ZNF385B: variants seen among roughly 807,000 people sequenced by gnomAD.
ZNF385B encodes the protein zinc finger protein 533.
In ZNF385B, 23 loss-of-function variants were observed where a neutral mutation model predicts 39.2. The ratio of observed to expected loss-of-function variants is 0.59; its 90% CI spans 0.42 to 0.83. The LOEUF is 0.83. Among genes scored for constraint, ZNF385B ranks in the 40% least tolerant of loss-of-function variants. The probability of loss-of-function intolerance (pLI) is 0.00; values close to 1 mark genes in which losing one functional copy is unlikely to be tolerated. For missense variants in ZNF385B, 552 were observed against 598.9 expected, an observed-to-expected ratio of 0.92 and a Z score of 0.82; for synonymous variants, 205 against 222.6, an observed-to-expected ratio of 0.92 and a Z score of 0.70.
chr2:179,521,534 G>A (rs890100060), intron 4 of ZNF385B, among the ~76,000 whole-genome samples: 2 of 151,684 alleles, frequency 1.3e-5, no homozygotes, highest in African/African-American at 4.8e-5. Context: ...TCTCACATTT[G>A]CACCACATTG....
chr2:179,644,741 A>G (rs1303129043), intron 3 of ZNF385B, among the ~76,000 whole-genome samples: 22 of 152,194 alleles, frequency 1.4e-4, no homozygotes. Flanking sequence ...TCACCTGATC[A>G]AATAAACATG....
intron 3 of ZNF385B, among the ~76,000 whole-genome samples, chr2:179,648,636 C>CA (rs1348576916): frequency 6.6e-6 from 1 of 152,050 alleles, no homozygotes; most frequent in African/African-American, 2.4e-5. Flanking sequence ...AGGCTGACAT[C>CA]AGGGCTGGGA....
At chr2:179,579,023 A>G (rs931019501) in intron 3 of ZNF385B, among the ~76,000 whole-genome samples, 1 of 152,110 alleles carries the variant, frequency 6.6e-6, no homozygotes, top group Non-Finnish European at 1.5e-5. Flanking sequence ...TTGTTACTTT[A>G]TCCTGACATA....
At chr2:179,598,895 T>C (rs1688201645) in intron 3 of ZNF385B, among the ~76,000 whole-genome samples, 2 of 152,200 alleles carry the variant, frequency 1.3e-5, no homozygotes, top group Admixed American at 1.3e-4. Flanking sequence ...GGATTTGTTA[T>C]ATTGATTCTT....
chr2:179,626,753 A>T (rs572922577), intron 3 of ZNF385B, among the ~76,000 whole-genome samples: 1 of 152,322 alleles, frequency 6.6e-6, no homozygotes, highest in East Asian at 1.9e-4. Flanking sequence ...CAAGCAAAGC[A>T]AAAGAAAAAA....
In ZNF385B at chr2:179,443,369, G is replaced by T; in HGVS notation, c.1342C>A (p.Leu448Ile). Residue 448 changes from leucine (L) to isoleucine (I), a missense_variant, in exon 10 of 10, where the codon CTC becomes ATC. Coordinates refer to ENST00000410066, the MANE Select transcript of ZNF385B (RefSeq NM_152520.6). The part of the protein sequence containing the change: ...AAAAVSSALS[L>I]PPRPSASLFQ... ...AGCGAGGCAGAGGGCCGGGGTGGGA[G>T]TGACAGCGCTGAGGACACGGCTGCC... is the stretch of plus-strand genomic sequence containing the variant. 3 of 1,612,390 alleles carry T rather than the reference G, an allele frequency of 1.9e-6. No homozygotes were observed. The highest frequency in any genetic ancestry group is 2.5e-6 in the Non-Finnish European group (3 of 1,179,408).
chr2:179,544,554 C>T (rs530324007), intron 4 of ZNF385B, among the ~76,000 whole-genome samples: 26 of 152,074 alleles, frequency 1.7e-4, no homozygotes, highest in Admixed American at 1.6e-3. Context: ...TGTTCTAAAG[C>T]CACTGGAAAT....
intron 3 of ZNF385B, among the ~76,000 whole-genome samples, chr2:179,725,932 A>G (rs888667335): frequency 9.7e-4 from 124 of 127,784 alleles, no homozygotes; most frequent in East Asian, 2.0e-3. Flanking sequence ...ATATATATAT[A>G]TGTGTATATA....
intron 1 of ZNF385B, among the ~76,000 whole-genome samples, chr2:179,822,714 A>C (rs1378595913): frequency 6.6e-6 from 1 of 152,234 alleles, no homozygotes; most frequent in Non-Finnish European, 1.5e-5. Flanking sequence ...GTGAAAGGCC[A>C]AAGAGCCCAG....
intron 3 of ZNF385B, among the ~76,000 whole-genome samples, chr2:179,710,044 G>A: frequency 6.6e-6 from 1 of 152,190 alleles, no homozygotes; most frequent in East Asian, 1.9e-4. Context: ...ATTTCCACCT[G>A]CCACACAATC....
chr2:179,708,207 T>C (rs1476859706), intron 3 of ZNF385B, among the ~76,000 whole-genome samples: 1 of 151,862 alleles, frequency 6.6e-6, no homozygotes, highest in African/African-American at 2.4e-5. Context: ...TGGTAGGAGG[T>C]GATTGGATCA....
At chr2:179,738,139 C>T (rs1444534830) in intron 3 of ZNF385B, among the ~76,000 whole-genome samples, 1 of 152,202 alleles carries the variant, frequency 6.6e-6, no homozygotes, top group East Asian at 1.9e-4. Context: ...AAAGGAACGC[C>T]TTCATCTTCA....
intron 1 of ZNF385B, among the ~76,000 whole-genome samples, chr2:179,811,517 C>A (rs1165872371): frequency 1.3e-5 from 2 of 152,138 alleles, no homozygotes; most frequent in African/African-American, 2.4e-5. Context: ...GCCTTTTGAT[C>A]TTTGACAAAG....
intron 3 of ZNF385B, among the ~76,000 whole-genome samples, chr2:179,626,488 CTTAAG>C (rs1468481308): frequency 3.9e-5 from 6 of 152,078 alleles, no homozygotes; most frequent in Admixed American, 6.6e-5. Context: ...AAAATACATC[CTTAAG>C]TTGTATTCCC....
At chr2:179,731,543 T>C (rs1362457608) in intron 3 of ZNF385B, among the ~76,000 whole-genome samples, 1 of 152,210 alleles carries the variant, frequency 6.6e-6, no homozygotes, top group African/African-American at 2.4e-5. Context: ...AAGGTAACTT[T>C]AGAACAAACT....
chr2:179,493,710 C>CATATATGT (rs1413466813), intron 5 of ZNF385B, among the ~76,000 whole-genome samples: 1 of 51,674 alleles, frequency 1.9e-5, no homozygotes, highest in Non-Finnish European at 4.6e-5. Context: ...TATGTATACA[C>CATATATGT]ATATGCATAT....
At chr2:179,677,705 G>T (rs978463155) in intron 3 of ZNF385B, among the ~76,000 whole-genome samples, 4 of 152,136 alleles carry the variant, frequency 2.6e-5, no homozygotes, top group Admixed American at 6.5e-5. Flanking sequence ...GAAAAGATGA[G>T]GATGGTGCCT....
intron 1 of ZNF385B, among the ~76,000 whole-genome samples, chr2:179,808,268 G>A (rs1245173496): frequency 3.9e-5 from 6 of 152,166 alleles, no homozygotes; most frequent in Non-Finnish European, 8.8e-5. Context: ...TCCTGACCTT[G>A]TGATCCGCCC....
At chr2:179,503,541 AATTCT>A (rs754322100) in intron 5 of ZNF385B, among the ~76,000 whole-genome samples, 38 of 152,232 alleles carry the variant, frequency 2.5e-4, no homozygotes, top group Admixed American at 7.2e-4. Flanking sequence ...CAAATTCAGT[AATTCT>A]ATTCTATTTT....
Sources: gnomAD v4.1 joint callset for allele counts (sites outside exome capture counted in the v4.1 genomes callset) on GRCh38, gnomAD v4.1.1 for gene constraint, MANE v1.5 for transcripts, NCBI Gene and HGNC (gene_info 2026-07-23, HGNC 2026-07-21) for gene names.